The following TRAPPC9 variants were observed in gnomAD, a reference collection of about 807,000 sequenced individuals.
TRAPPC9 encodes the protein trafficking protein particle complex subunit 9, also known as IKK2 binding protein.
Under a neutral mutation model 124.0 loss-of-function variants are expected in TRAPPC9, and 83 were observed. The observed-to-expected ratio is 0.67, with a 90% CI of 0.56 to 0.80. The LOEUF (loss-of-function observed/expected upper bound fraction) is 0.80, where lower values mean the gene tolerates loss of function less well. Among genes scored for constraint, TRAPPC9 ranks in the 30% least tolerant of loss-of-function variants. The probability of loss-of-function intolerance (pLI) is 0.00; values close to 1 mark genes in which losing one functional copy is unlikely to be tolerated. For synonymous variants in TRAPPC9, 638 were observed against 617.5 expected (o/e 1.03, Z -0.49); for missense variants, 1,302 against 1,508.3 (o/e 0.86, Z 2.27).
At chr8:140,127,048 T>C (rs1465358749) in intron 17 of TRAPPC9, among the ~76,000 whole-genome samples, 4 of 152,156 alleles carry the variant, frequency 2.6e-5, no homozygotes, top group African/African-American at 9.7e-5. Context: ...CTCTAACGTA[T>C]GTATCTGGAG....
intron 16 of TRAPPC9, among the ~76,000 whole-genome samples, chr8:140,229,291 A>C: frequency 8.4e-6 from 1 of 118,702 alleles, no homozygotes; most frequent in Non-Finnish European, 1.6e-5. Flanking sequence ...TTGAGACACA[A>C]TCTCTCTGTC....
At chr8:139,932,712 C>T (rs1270305277) in intron 19 of TRAPPC9, 3 of 366,818 alleles carry the variant, frequency 8.2e-6, no homozygotes, top group South Asian at 4.1e-5. Context: ...TGCAGTGAGC[C>T]GAGATGGTAC....
chr8:139,927,594 A>G (rs1832889403), intron 19 of TRAPPC9, among the ~76,000 whole-genome samples: 1 of 152,102 alleles, frequency 6.6e-6, no homozygotes, highest in African/African-American at 2.4e-5. Context: ...ATGGGCCAAA[A>G]TCCTACTCCC....
chr8:139,777,398 C>T lies in TRAPPC9; in HGVS notation c.3056-45196G>A, dbSNP rs187925016. Among the ~76,000 whole-genome samples, 217 of 152,334 alleles carry T rather than the reference C, an allele frequency of 1.4e-3. 1 individual carries two copies. Among genetic ancestry groups the T allele is most frequent in the African/African-American group, 5.0e-3 (208 of 41,570 alleles). ...CAAATAAGCCCCAGAGGGAACAGAG[C>T]GTGCCTGTTTACTCACTGTGTTATC... On this transcript the variant is annotated intron_variant, in intron 21 of 22. Transcript: ENST00000438773.
At chr8:139,737,471 C>T (rs867385201) in intron 21 of TRAPPC9, among the ~76,000 whole-genome samples, 1 of 111,036 alleles carries the variant, frequency 9.0e-6, no homozygotes, top group Non-Finnish European at 2.1e-5. Flanking sequence ...AGCCCTCCCC[C>T]CCCCCCCACG....
chr8:140,183,589 G>A (rs1008717602), intron 17 of TRAPPC9, among the ~76,000 whole-genome samples: 1 of 151,912 alleles, frequency 6.6e-6, no homozygotes, highest in East Asian at 1.9e-4. Context: ...GGTGGCTCAT[G>A]CCTGTAATCC....
At chr8:140,197,534 G>C (rs1400293219) in intron 17 of TRAPPC9, among the ~76,000 whole-genome samples, 1 of 152,118 alleles carries the variant, frequency 6.6e-6, no homozygotes, top group Admixed American at 6.6e-5. Flanking sequence ...CTGTTTGGAT[G>C]GTATGCAGCC....
chr8:139,763,056 CCTT>C (rs1157655579), intron 21 of TRAPPC9, among the ~76,000 whole-genome samples: 1 of 152,214 alleles, frequency 6.6e-6, no homozygotes, highest in Non-Finnish European at 1.5e-5. Context: ...CTGGCTGAAG[CCTT>C]CTTCATTCTG....
At chr8:140,409,799 A>C (rs1272142098) in intron 5 of TRAPPC9, among the ~76,000 whole-genome samples, 1 of 152,302 alleles carries the variant, frequency 6.6e-6, no homozygotes, top group Non-Finnish European at 1.5e-5. Context: ...GAAGAAGAAA[A>C]GGCCAGGAAC....
At position 140,383,556 on chromosome 8, in the gene TRAPPC9, G is replaced by A. The variant is rs150240713; in HGVS notation, c.1135-12376C>T. 4.6e-3 allele frequency among the ~76,000 whole-genome samples: 699 copies of A among 152,180 alleles called. 6 individuals carry two copies. The highest frequency in any genetic ancestry group is 0.016 in the African/African-American group (653 of 41,504). On this transcript the variant is annotated intron_variant, in intron 7 of 22. Coordinates refer to ENST00000438773, the MANE Select transcript of TRAPPC9 (RefSeq NM_001160372.4). The stretch of plus-strand genomic sequence containing the variant: ...GCCGATTCGATCAACTGGAAGAAAG[G>A]GTATCAGTGATTGAAGATCAAATGA...
At chr8:140,406,773 G>A (rs527521114) in intron 5 of TRAPPC9, among the ~76,000 whole-genome samples, 1 of 152,316 alleles carries the variant, frequency 6.6e-6, no homozygotes, top group South Asian at 2.1e-4. Context: ...GAACTGTGGA[G>A]AGGCAGGTGG....
intron 17 of TRAPPC9, among the ~76,000 whole-genome samples, chr8:140,083,954 G>A (rs982604038): frequency 2.6e-5 from 4 of 152,094 alleles, no homozygotes; most frequent in South Asian, 2.1e-4. Flanking sequence ...CATGAGCGCC[G>A]CACCTGGCCC....
intron 17 of TRAPPC9, among the ~76,000 whole-genome samples, chr8:140,108,683 G>A (rs1487849937): frequency 2.0e-5 from 3 of 152,154 alleles, no homozygotes; most frequent in Admixed American, 6.5e-5. Context: ...GTTTTTTGTT[G>A]GGTTTGTTCT....
At chr8:140,284,960 A>G (rs1017723847) in intron 13 of TRAPPC9, among the ~76,000 whole-genome samples, 1 of 152,242 alleles carries the variant, frequency 6.6e-6, no homozygotes, top group East Asian at 1.9e-4. Flanking sequence ...TCCTTTCTAT[A>G]AAACCTGGTA....
chr8:140,092,817 C>T (rs1447839292), intron 17 of TRAPPC9, among the ~76,000 whole-genome samples: 1 of 152,186 alleles, frequency 6.6e-6, no homozygotes, highest in Non-Finnish European at 1.5e-5. Context: ...TTTAAACATA[C>T]AGCATAAGGG....
At chr8:139,903,781 C>T (rs181073363) in intron 20 of TRAPPC9, among the ~76,000 whole-genome samples, 184 of 152,308 alleles carry the variant, frequency 1.2e-3, no homozygotes, top group African/African-American at 4.2e-3. Context: ...TGGCTCACAC[C>T]TATAATCCCA....
chr8:140,423,770 A>G (rs2070325790), intron 5 of TRAPPC9, among the ~76,000 whole-genome samples: 1 of 152,072 alleles, frequency 6.6e-6, no homozygotes, highest in Non-Finnish European at 1.5e-5. Flanking sequence ...ATATACACAG[A>G]ATGGAATATT....
At chr8:140,413,389 A>G (rs2069777655) in intron 5 of TRAPPC9, among the ~76,000 whole-genome samples, 1 of 152,164 alleles carries the variant, frequency 6.6e-6, no homozygotes, top group South Asian at 2.1e-4. Context: ...ACTGTCTCAA[A>G]AAAAATAATA....
intron 9 of TRAPPC9, among the ~76,000 whole-genome samples, chr8:140,328,121 G>A (rs1397322392): frequency 6.6e-6 from 1 of 152,046 alleles, no homozygotes; most frequent in Non-Finnish European, 1.5e-5. Context: ...TGGGCATTGT[G>A]GTGGGTGCCT....
Sources: gnomAD v4.1 joint callset for allele counts (sites outside exome capture counted in the v4.1 genomes callset) on GRCh38, gnomAD v4.1.1 for gene constraint, MANE v1.5 for transcripts, NCBI Gene and HGNC (gene_info 2026-07-23, HGNC 2026-07-21) for gene names.